The following PRDM14 variants were observed in gnomAD, a reference collection of about 807,000 sequenced individuals.
PRDM14 encodes PR domain zinc finger protein 14.
PRDM14 carries 16 observed loss-of-function variants against 48.0 expected under a neutral mutation model. That is an observed-to-expected ratio of 0.33 (90% CI 0.23 to 0.51). The LOEUF is 0.51. PRDM14 is among the 20% of genes least tolerant of loss of function. The pLI, the probability that PRDM14 is intolerant of heterozygous loss-of-function variation, is 0.97. For synonymous variants in PRDM14, 264 were observed against 276.6 expected (o/e 0.95, Z 0.45); for missense variants, 566 against 719.6 (o/e 0.79, Z 2.44).
At chr8:70,069,958 C>G in intron 1 of PRDM14, 74 bp from the exon 2 acceptor site, 1 of 827,378 alleles carries the variant, frequency 1.2e-6, no homozygotes. Flanking sequence ...TCCCCACCAG[C>G]CTCCTCCACC....
chr8:70,069,793 G>A lies in PRDM14; in HGVS notation c.68C>T (p.Pro23Leu), dbSNP rs1216495797. ...DKVCYPPESS[P>L]QNLAAYYTPF... ...CGTGTAGTACGCGGCCAGGTTCTGC[G>A]GGCTGCTCTCCGGCGGGTAGCACAC... Residue 23 changes from proline (P) to leucine (L), a missense_variant, in exon 2 of 8, where the codon CCG (proline) becomes CTG (leucine). Physicochemically the swap from Pro to Leu is moderately conservative, Grantham distance 98. Transcript: ENST00000276594. 6.2e-7 allele frequency: 1 copy of A among 1,610,028 alleles called. No individual in the cohort carries two copies. The highest frequency in any genetic ancestry group is 8.5e-7 in the Non-Finnish European group (1 of 1,178,784).
chr8:70,054,646 G>C (rs1250038202), intron 7 of PRDM14, among the ~76,000 whole-genome samples: 1 of 142,090 alleles, frequency 7.0e-6, no homozygotes, highest in Non-Finnish European at 1.5e-5. Flanking sequence ...AGCCTCCCAA[G>C]TAGCTGGGAT....
At chr8:70,055,503 T>C (rs1041705672) in intron 6 of PRDM14, 102 bp from the exon 7 acceptor site, 4 of 580,126 alleles carry the variant, frequency 6.9e-6, no homozygotes, top group African/African-American at 4.3e-5. Flanking sequence ...CTTTTCCAAT[T>C]TTTTTCTTTT....
chr8:70,063,650 G>A (rs1276824618), intron 5 of PRDM14, among the ~76,000 whole-genome samples: 1 of 151,650 alleles, frequency 6.6e-6, no homozygotes, highest in Non-Finnish European at 1.5e-5. Context: ...AGCCTCCTGA[G>A]TAGCTGGGAT....
At chr8:70,054,557 C>T (rs1306595289) in intron 7 of PRDM14, among the ~76,000 whole-genome samples, 4 of 144,482 alleles carry the variant, frequency 2.8e-5, no homozygotes, top group African/African-American at 1.0e-4. Flanking sequence ...TTTCACTTTG[C>T]CACTCAGGCT....
intron 7 of PRDM14, among the ~76,000 whole-genome samples, chr8:70,054,497 A>C (rs2131034282): frequency 6.7e-6 from 1 of 149,640 alleles, no homozygotes; most frequent in South Asian, 2.1e-4. Flanking sequence ...TTGTGTTCTT[A>C]AATACTATGA....
At chr8:70,059,002 T>A (rs1805526181) in intron 5 of PRDM14, among the ~76,000 whole-genome samples, 160 bp from the exon 6 acceptor site, 1 of 152,256 alleles carries the variant, frequency 6.6e-6, no homozygotes, top group Non-Finnish European at 1.5e-5. Flanking sequence ...TTGCCCAGTC[T>A]GTAGTGCAGT....
chr8:70,052,412 C>G (rs953984523), intron 7 of PRDM14, 108 bp from the exon 8 acceptor site: 2 of 886,156 alleles, frequency 2.3e-6, no homozygotes, highest in African/African-American at 1.7e-5. Context: ...TATGGACGAA[C>G]CTTGGGTTTT....
chr8:70,065,763 TTCTAC>T (rs975716573), intron 5 of PRDM14, among the ~76,000 whole-genome samples: 14 of 150,830 alleles, frequency 9.3e-5, no homozygotes, highest in South Asian at 4.2e-4. Context: ...ATATTTTCTA[TTCTAC>T]TCTATACTTT....
At chr8:70,060,413 A>C (rs966057897) in intron 5 of PRDM14, among the ~76,000 whole-genome samples, 3 of 138,844 alleles carry the variant, frequency 2.2e-5, no homozygotes, top group Admixed American at 2.1e-4. Context: ...AAAAAAAAAA[A>C]ACATAACCAT....
intron 7 of PRDM14, among the ~76,000 whole-genome samples, chr8:70,053,557 T>C (rs1805423827): frequency 6.6e-6 from 1 of 152,012 alleles, no homozygotes; most frequent in Non-Finnish European, 1.5e-5. Flanking sequence ...CCCAGCTAAT[T>C]TTTCTATTTT....
At chr8:70,067,244 G>T (rs1805684282) in intron 4 of PRDM14, among the ~76,000 whole-genome samples, 1 of 152,082 alleles carries the variant, frequency 6.6e-6, no homozygotes, top group African/African-American at 2.4e-5. Context: ...TTCAAGGCCG[G>T]GCCTGGTGGC....
At chr8:70,057,216 C>T (rs1196475591) in intron 6 of PRDM14, among the ~76,000 whole-genome samples, 7 of 152,112 alleles carry the variant, frequency 4.6e-5, no homozygotes, top group African/African-American at 9.7e-5. Context: ...CCACCTGTCT[C>T]GGCCTCCCAA....
Position 70,069,656 on chromosome 8 carries a change from A to AG in PRDM14, c.204dup (p.Phe69LeufsTer59). 6.4e-7 allele frequency: 1 copy of AG among 1,569,266 alleles called. No homozygotes were observed. The highest frequency in any genetic ancestry group is 8.6e-7 in the Non-Finnish European group (1 of 1,157,236). ...AAGGGAGGCGCCATCCGGAAGGGGA[A>AG]GGGGGGCATGGCGGGGGCAGCAGAC... On this transcript the variant is annotated frameshift_variant, in exon 2 of 8. Transcript: ENST00000276594. LOFTEE classifies it high-confidence loss of function.
In PRDM14 at chr8:70,052,164, A is replaced by G. The variant is rs10089937; in HGVS notation, c.1629T>C (p.Asp543=). The G allele has an allele frequency of 0.63, 1,009,851 of 1,612,438 alleles. 317,336 individuals are homozygous for G. The highest frequency in any genetic ancestry group is 0.74 in the East Asian group (33,386 of 44,848). ...DSHVRRSHKE[D]DGCSCSICGK... Reference sequence around the variant, plus strand: ...CACAGATGCTGCATGAGCAGCCATCATCCTCCTTGTGTGAACGCCGGACAT... The same window carrying G: ...CACAGATGCTGCATGAGCAGCCATCGTCCTCCTTGTGTGAACGCCGGACAT... The change falls in exon 8 of 8, where the codon GAT becomes GAC. Residue 543 remains aspartate, a synonymous_variant. Coordinates refer to ENST00000276594, the MANE Select transcript of PRDM14 (RefSeq NM_024504.4).
At chr8:70,067,474 C>T (rs1043356516) in intron 4 of PRDM14, among the ~76,000 whole-genome samples, 3 of 150,254 alleles carry the variant, frequency 2.0e-5, no homozygotes, top group African/African-American at 4.9e-5. Flanking sequence ...GCTGAGATCA[C>T]GCCACTGCAC....
intron 5 of PRDM14, among the ~76,000 whole-genome samples, chr8:70,059,096 A>T (rs915227948): frequency 3.3e-4 from 50 of 151,988 alleles, no homozygotes; most frequent in Admixed American, 5.9e-4. Flanking sequence ...CTGGGATTAC[A>T]GGTGCCCACT....
Position 70,068,291 on chromosome 8 carries a change from T to G in PRDM14, c.851A>C (p.Gln284Pro). The part of the protein sequence containing the change: ...IAKGVRFGPF[Q>P]GKVVNASEVK... ...TTCACTGGCATTGACCACTTTACCT[T>G]GAAAGGGCCCAAACCTGACTCCTTT... The change falls in exon 4 of 8, where the codon CAA becomes CCA. Residue 284 changes from glutamine (Q) to proline (P), a missense_variant. Gln to Pro is a moderately conservative substitution (Grantham distance 76, BLOSUM62 -1). Around this residue, in one of 3 missense-constraint regions of PRDM14, gnomAD observed 410 missense variants for 424.6 expected, o/e 0.97. Coordinates refer to ENST00000276594, the MANE Select transcript of PRDM14 (RefSeq NM_024504.4). The G allele has an allele frequency of 6.2e-7, 1 of 1,614,194 alleles. No homozygotes were observed. Among genetic ancestry groups the G allele is most frequent in the Non-Finnish European group, 8.5e-7 (1 of 1,180,044 alleles).
In PRDM14 at chr8:70,069,208, C is replaced by T; in HGVS notation, c.653G>A (p.Ser218Asn). The T allele has an allele frequency of 3.8e-6, 6 of 1,564,092 alleles. No homozygotes were observed. Among genetic ancestry groups the T allele is most frequent in the Non-Finnish European group, 5.2e-6 (6 of 1,154,240 alleles). The part of the protein sequence containing the change: ...GVTPSLEHPA[S>N]LHHAISGLLV... ...GAGGCCTGAAATCGCATGGTGCAGG[C>T]TGGCTGGGTGCTCCAGGCTGGGAGT... Residue 218 changes from serine to asparagine, a missense_variant, in exon 2 of 8, where the codon AGC (serine) becomes AAC (asparagine). Physicochemically the swap from Ser to Asn is conservative, Grantham distance 46 (BLOSUM62 1). Transcript: ENST00000276594.
Sources: allele counts gnomAD v4.1 joint callset (sites outside exome capture counted in the v4.1 genomes callset), GRCh38; gene constraint gnomAD v4.1.1; regional missense constraint gnomAD v4.1.1; transcripts MANE v1.5; gene names NCBI Gene and HGNC (gene_info 2026-07-23, HGNC 2026-07-21).